Variants in TET1 observed in about 807,000 individuals in gnomAD.
TET1 encodes the protein methylcytosine dioxygenase TET1.
In TET1, 13 loss-of-function variants were observed where a neutral mutation model predicts 148.7. That is an observed-to-expected ratio of 0.09 (90% CI 0.06 to 0.14). The LOEUF is 0.14. Ranked by LOEUF, TET1 falls within the 10% of genes least tolerant of loss-of-function variation. The pLI, the probability that TET1 is intolerant of heterozygous loss-of-function variation, is 1.00. For synonymous variants in TET1, 907 were observed against 937.2 expected (o/e 0.97, Z 0.59); for missense variants, 2,182 against 2,553.8 (o/e 0.85, Z 3.14).
chr10:68,573,937 C>G lies in TET1; in HGVS notation c.1599C>G (p.Leu533=), dbSNP rs751740255. 1.2e-6 allele frequency: 2 copies of G among 1,614,232 alleles called. No individual in the cohort carries two copies. Among genetic ancestry groups the G allele is most frequent in the Middle Eastern group, 1.7e-4 (1 of 6,060 alleles). Residue 533 remains leucine (L), a synonymous_variant, in exon 2 of 12, where the codon CTC becomes CTG. Transcript: ENST00000373644. ...LFHASLGIAQ[L]SQAGPSKSDR... is the part of the protein sequence containing the mutation. ...ATGCTTCACTGGGTATAGCCCAACT[C>G]TCTCAGGCTGGTCCTAGCAAATCAG...
At chr10:68,610,127 C>CA (rs1434464944) in intron 3 of TET1, among the ~76,000 whole-genome samples, 1 of 151,854 alleles carries the variant, frequency 6.6e-6, no homozygotes, top group Non-Finnish European at 1.5e-5. Context: ...ACTAAAAATA[C>CA]AAAAAATTAG....
intron 1 of TET1, among the ~76,000 whole-genome samples, chr10:68,561,609 T>C (rs1012361657): frequency 6.6e-6 from 1 of 152,058 alleles, no homozygotes; most frequent in African/African-American, 2.4e-5. Context: ...GTGAGGGGCC[T>C]GGTCCTCGCT....
At chr10:68,611,708 C>CT (rs1185340921) in intron 3 of TET1, among the ~76,000 whole-genome samples, 67 of 135,318 alleles carry the variant, frequency 5.0e-4, no homozygotes, top group East Asian at 1.3e-3. Flanking sequence ...CTTTTTCTTT[C>CT]TTTTTTTTTT....
At position 68,686,664 on chromosome 10, in the gene TET1, A is replaced by T. The variant is rs1339427678; in HGVS notation, c.5361A>T (p.Ser1787=). 6.2e-7 allele frequency: 1 copy of T among 1,613,862 alleles called. No homozygotes were observed. The highest frequency in any genetic ancestry group is 1.7e-5 in the Admixed American group (1 of 59,998). The change falls in exon 11 of 12, where the codon TCA becomes TCT. Residue 1787 remains serine, a synonymous_variant. Coordinates refer to ENST00000373644, the MANE Select transcript of TET1 (RefSeq NM_030625.3). ...PIPRIKRKNN[S]TTTNNSKPSS... ...CCCGAATCAAGCGGAAGAATAACTC[A>T]ACAACAACAAACAACAGTAAGCCTT...
intron 1 of TET1, among the ~76,000 whole-genome samples, chr10:68,566,085 T>C (rs1208206211): frequency 6.6e-6 from 1 of 152,176 alleles, no homozygotes; most frequent in Non-Finnish European, 1.5e-5. Flanking sequence ...AATTTAAAAA[T>C]ATGAAAGAAT....
chr10:68,596,187 G>T (rs902659802), intron 2 of TET1, among the ~76,000 whole-genome samples: 1 of 150,394 alleles, frequency 6.6e-6, no homozygotes. Flanking sequence ...TTACAGGCAC[G>T]TGCCACCATG....
intron 8 of TET1, 47 bp from the exon 9 acceptor site, chr10:68,681,352 A>G (rs766420177): frequency 1.3e-5 from 16 of 1,228,724 alleles, no homozygotes; most frequent in South Asian, 7.4e-5. Flanking sequence ...CCTTAAACAC[A>G]TGAAGGTGCG....
intron 6 of TET1, among the ~76,000 whole-genome samples, chr10:68,653,038 GA>G (rs2054963717): frequency 6.6e-6 from 1 of 151,256 alleles, no homozygotes; most frequent in African/African-American, 2.4e-5. Flanking sequence ...TTACCAGTTA[GA>G]TTTTTTTTTT....
At chr10:68,598,173 G>A (rs1429162071) in intron 2 of TET1, among the ~76,000 whole-genome samples, 1 of 152,216 alleles carries the variant, frequency 6.6e-6, no homozygotes, top group Non-Finnish European at 1.5e-5. Flanking sequence ...CGGCCCACCT[G>A]AGGTCAAGAG....
chr10:68,668,631 G>A (rs1316283267), intron 7 of TET1, among the ~76,000 whole-genome samples: 1 of 152,210 alleles, frequency 6.6e-6, no homozygotes, highest in African/African-American at 2.4e-5. Flanking sequence ...CCAGGCTGGA[G>A]TGCGGTGGCG....
At chr10:68,633,602 T>G (rs935978915) in intron 3 of TET1, among the ~76,000 whole-genome samples, 3 of 152,124 alleles carry the variant, frequency 2.0e-5, no homozygotes, top group Non-Finnish European at 4.4e-5. Context: ...TTACTTGTAA[T>G]ATTTTTTGTA....
intron 3 of TET1, among the ~76,000 whole-genome samples, chr10:68,615,045 T>C (rs995040212): frequency 1.3e-5 from 2 of 151,474 alleles, no homozygotes; most frequent in African/African-American, 4.8e-5. Flanking sequence ...AGCAATTCTT[T>C]TGCCTCAGCC....
chr10:68,603,181 C>T lies in TET1; in HGVS notation c.1968+2147C>T, dbSNP rs117633156. ...CTTCCATCATTATTTGCTGTCTTTA[C>T]ATTTGGTGTCATTCCAGAAATTTAG... On this transcript the variant is annotated intron_variant, in intron 3 of 11. Coordinates refer to ENST00000373644, the MANE Select transcript of TET1 (RefSeq NM_030625.3). Among the ~76,000 whole-genome samples, 526 of 152,282 alleles carry T rather than the reference C, an allele frequency of 3.5e-3. 2 individuals carry two copies. Among genetic ancestry groups the T allele is most frequent in the Admixed American group, 5.8e-3 (88 of 15,288 alleles).
At chr10:68,686,158 AAAC>A (rs1209663895) in intron 10 of TET1, among the ~76,000 whole-genome samples, 195 bp from the exon 11 acceptor site, 6 of 152,250 alleles carry the variant, frequency 3.9e-5, no homozygotes, top group Admixed American at 2.0e-4. Flanking sequence ...GTCTGCCTAC[AAAC>A]AACTGGGAAG....
Position 68,565,603 on chromosome 10 carries a change from T to C in TET1, c.-123+4861T>C, listed in dbSNP as rs183282960. Among the ~76,000 whole-genome samples the C allele has an allele frequency of 6.9e-3, 1,048 of 151,888 alleles. 7 individuals carry two copies. Among genetic ancestry groups the C allele is most frequent in the Non-Finnish European group, 0.011 (759 of 67,954 alleles). ...ATAATGTTTACAAAAAAGAAATTAA[T>C]TTCTGGAGGTCTTTGAGGTAATTCC... On this transcript the variant is annotated intron_variant, in intron 1 of 11. Transcript: ENST00000373644.
At chr10:68,569,998 G>C (rs958544264) in intron 1 of TET1, among the ~76,000 whole-genome samples, 1 of 151,964 alleles carries the variant, frequency 6.6e-6, no homozygotes, top group African/African-American at 2.4e-5. Flanking sequence ...AGGTTCAGGG[G>C]GTACATGTGC....
At chr10:68,671,071 A>C (rs2133189882) in intron 7 of TET1, among the ~76,000 whole-genome samples, 1 of 152,174 alleles carries the variant, frequency 6.6e-6, no homozygotes, top group Middle Eastern at 3.4e-3. Flanking sequence ...TTTTAGGTTC[A>C]GGAGTGCATT....
chr10:68,685,671 A>G (rs895035457), intron 10 of TET1, among the ~76,000 whole-genome samples: 1 of 152,180 alleles, frequency 6.6e-6, no homozygotes, highest in African/African-American at 2.4e-5. Flanking sequence ...TTTCTCCATA[A>G]TAAATATAAC....
Position 68,691,591 on chromosome 10 carries a change from T to A in TET1, c.6188T>A (p.Leu2063Gln), listed in dbSNP as rs2055594848. The A allele has an allele frequency of 3.1e-6, 5 of 1,614,046 alleles. No homozygotes were observed. Among genetic ancestry groups the A allele is most frequent in the Non-Finnish European group, 4.2e-6 (5 of 1,180,034 alleles). ...AATAAGCCCCAACATGGTTTTGAAC[T>A]AAACAAGATTAAGTTTGAGGCTAAA... ...NLNKPQHGFE[L>Q]NKIKFEAKEA... The change falls in exon 12 of 12, where the codon CTA (leucine) becomes CAA (glutamine). Residue 2063 changes from leucine (L) to glutamine (Q), a missense_variant. Around this residue, in one of 11 missense-constraint regions of TET1, gnomAD observed 54 missense variants for 44.4 expected, o/e 1.22. Transcript: ENST00000373644. The surrounding 1 kb of genome is among the most constrained non-coding windows in gnomAD (Gnocchi z 4.4).
Sources: allele counts gnomAD v4.1 joint callset (sites outside exome capture counted in the v4.1 genomes callset), GRCh38; gene constraint gnomAD v4.1.1; regional missense constraint gnomAD v4.1.1; non-coding constraint Gnocchi (gnomAD v3.1); transcripts MANE v1.5; gene names NCBI Gene and HGNC (gene_info 2026-07-23, HGNC 2026-07-21).